The following PTPRD variants were observed in gnomAD, a reference collection of about 807,000 sequenced individuals.
PTPRD encodes the protein receptor-type tyrosine-protein phosphatase delta.
PTPRD carries 34 observed loss-of-function variants against 214.5 expected under a neutral mutation model. The ratio of observed to expected loss-of-function variants is 0.16; its 90% CI spans 0.12 to 0.21. The LOEUF is 0.21. Ranked by LOEUF, PTPRD falls within the 10% of genes least tolerant of loss-of-function variation. PTPRD has a pLI of 1.00. For missense variants in PTPRD, 2,545 were observed against 2,398.7 expected (o/e 1.06, Z -1.27); for synonymous variants, 1,128 against 845.7 (o/e 1.33, Z -5.79).
intron 14 of PTPRD, among the ~76,000 whole-genome samples, chr9:8,585,585 C>T (rs956246296): frequency 6.6e-5 from 10 of 152,194 alleles, no homozygotes; most frequent in African/African-American, 2.4e-4. Flanking sequence ...ACCATACCAA[C>T]CACCATACAT....
chr9:8,328,378 A>T (rs915231275), intron 44 of PTPRD, among the ~76,000 whole-genome samples: 4 of 152,200 alleles, frequency 2.6e-5, no homozygotes, highest in Non-Finnish European at 5.9e-5. Flanking sequence ...GTTGCTGTCG[A>T]GAGACCTGCT....
chr9:8,486,384 A>C (rs774907355), intron 27 of PTPRD, 35 bp from the exon 28 acceptor site: 1 of 1,537,544 alleles, frequency 6.5e-7, no homozygotes, highest in Non-Finnish European at 9.0e-7. Flanking sequence ...AAGACCAACC[A>C]ATCTGAACGT....
intron 10 of PTPRD, among the ~76,000 whole-genome samples, chr9:9,074,121 G>A (rs1009088670): frequency 6.6e-6 from 1 of 152,050 alleles, no homozygotes; most frequent in Non-Finnish European, 1.5e-5. Context: ...AAAAACTAAA[G>A]CTGAGAGAAG....
intron 7 of PTPRD, among the ~76,000 whole-genome samples, chr9:9,619,854 TATAG>T (rs1341755574): frequency 2.0e-5 from 3 of 148,274 alleles, no homozygotes; most frequent in Non-Finnish European, 3.0e-5. Context: ...TTTATTTCTA[TATAG>T]AAACATCTAT....
At chr9:8,459,757 A>C (rs2134091847) in intron 33 of PTPRD, among the ~76,000 whole-genome samples, 1 of 152,232 alleles carries the variant, frequency 6.6e-6, no homozygotes, top group East Asian at 1.9e-4. Flanking sequence ...GGGCATAATA[A>C]GACTGAGATT....
intron 5 of PTPRD, among the ~76,000 whole-genome samples, chr9:9,914,506 C>T (rs1012335201): frequency 6.6e-6 from 1 of 152,184 alleles, no homozygotes; most frequent in Non-Finnish European, 1.5e-5. Context: ...GCCAAACAGC[C>T]TTTCTCTCAC....
intron 8 of PTPRD, among the ~76,000 whole-genome samples, chr9:9,514,506 T>TA (rs1459390781): frequency 6.6e-6 from 1 of 152,062 alleles, no homozygotes; most frequent in Non-Finnish European, 1.5e-5. Flanking sequence ...GACTAAATTT[T>TA]ATCACAGGAG....
chr9:8,766,187 GAAAA>G (rs5896254), intron 11 of PTPRD, among the ~76,000 whole-genome samples: 1 of 121,976 alleles, frequency 8.2e-6, no homozygotes. Flanking sequence ...TACCACTGAT[GAAAA>G]AAAAAAAAAA....
chr9:10,169,390 C>T (rs535273161), intron 3 of PTPRD, among the ~76,000 whole-genome samples: 259 of 146,754 alleles, frequency 1.8e-3, no homozygotes, highest in African/African-American at 5.9e-3. Flanking sequence ...AGGAGAATGG[C>T]GTGAACCCCG....
At chr9:8,838,599 G>A (rs368049899) in intron 11 of PTPRD, among the ~76,000 whole-genome samples, 8 of 151,688 alleles carry the variant, frequency 5.3e-5, no homozygotes, top group Admixed American at 5.2e-4. Flanking sequence ...TAAATAACAG[G>A]TTATTTAGTT....
intron 11 of PTPRD, among the ~76,000 whole-genome samples, chr9:8,987,036 T>A (rs947652806): frequency 6.6e-6 from 1 of 152,118 alleles, no homozygotes. Flanking sequence ...TGGTCACTAA[T>A]AAATAAACCA....
chr9:9,947,414 T>TTA (rs560527848), intron 4 of PTPRD, among the ~76,000 whole-genome samples: 2,572 of 39,820 alleles, frequency 0.065, 439 homozygotes, highest in African/African-American at 0.35. Flanking sequence ...AATATATATT[T>TTA]TATATATATA....
intron 3 of PTPRD, among the ~76,000 whole-genome samples, chr9:10,231,662 T>C (rs1034265255): frequency 1.3e-5 from 2 of 152,006 alleles, no homozygotes; most frequent in African/African-American, 4.8e-5. Flanking sequence ...AAGTGCTTAA[T>C]AAATGCTTGT....
chr9:9,204,734 C>T (rs951698839), intron 9 of PTPRD, among the ~76,000 whole-genome samples: 1 of 152,156 alleles, frequency 6.6e-6, no homozygotes, highest in Non-Finnish European at 1.5e-5. Flanking sequence ...TTGCTCTGTA[C>T]AGCCTTGTAA....
intron 3 of PTPRD, among the ~76,000 whole-genome samples, chr9:10,275,285 A>G (rs1393400927): frequency 1.3e-5 from 2 of 152,092 alleles, no homozygotes; most frequent in Non-Finnish European, 2.9e-5. Flanking sequence ...TTCTTTTCTT[A>G]TTTATAAAAA....
At chr9:10,032,634 A>G (rs752334994) in intron 4 of PTPRD, among the ~76,000 whole-genome samples, 7 of 152,202 alleles carry the variant, frequency 4.6e-5, no homozygotes, top group Non-Finnish European at 8.8e-5. Flanking sequence ...GCTACCTTGC[A>G]ACATGCAGTA....
At chr9:9,635,543 C>T (rs1161620215) in intron 7 of PTPRD, among the ~76,000 whole-genome samples, 5 of 152,200 alleles carry the variant, frequency 3.3e-5, no homozygotes, top group South Asian at 2.1e-4. Flanking sequence ...TATGCTTTTA[C>T]AGCTGAAGAA....
chr9:10,091,888 C>G (rs947425264), intron 3 of PTPRD, among the ~76,000 whole-genome samples: 1 of 151,252 alleles, frequency 6.6e-6, no homozygotes, highest in South Asian at 2.1e-4. Context: ...TTTTCTCTCC[C>G]GGAAATTATT....
intron 2 of PTPRD, among the ~76,000 whole-genome samples, chr9:10,607,177 A>ATTTTTTTTTTTTTTTTGCTTC: frequency 6.6e-6 from 1 of 151,884 alleles, no homozygotes; most frequent in Non-Finnish European, 1.5e-5. Context: ...ATATAGAGGT[A>ATTTTTTTTTTTTTTTTGCTTC]AAATATTTTT....
Sources: allele counts gnomAD v4.1 joint callset (sites outside exome capture counted in the v4.1 genomes callset), GRCh38; gene constraint gnomAD v4.1.1; transcripts MANE v1.5; gene names NCBI Gene and HGNC (gene_info 2026-07-23, HGNC 2026-07-21).